The following SNX6 variants were observed in gnomAD, a reference collection of about 807,000 sequenced individuals.
SNX6 encodes the protein sorting nexin-6.
In SNX6, 34 loss-of-function variants were observed where a neutral mutation model predicts 63.0. The ratio of observed to expected loss-of-function variants is 0.54; its 90% CI spans 0.41 to 0.72. The LOEUF (loss-of-function observed/expected upper bound fraction) is 0.72, where lower values mean the gene tolerates loss of function less well. Ranked by LOEUF, SNX6 falls within the 30% of genes least tolerant of loss-of-function variation. The probability of loss-of-function intolerance (pLI) is 0.00; values close to 1 mark genes in which losing one functional copy is unlikely to be tolerated. For synonymous variants in SNX6, 170 were observed against 164.2 expected (o/e 1.04, Z -0.27); for missense variants, 398 against 471.4 (o/e 0.84, Z 1.44).
At chr14:34,589,404 A>C (rs2138312879) in intron 8 of SNX6, among the ~76,000 whole-genome samples, 1 of 152,296 alleles carries the variant, frequency 6.6e-6, no homozygotes, top group East Asian at 1.9e-4. Context: ...GTGAGCTGAG[A>C]TCACGCCACT....
chr14:34,592,702 C>G (rs1228952304), intron 8 of SNX6, among the ~76,000 whole-genome samples: 1 of 151,774 alleles, frequency 6.6e-6, no homozygotes, highest in Non-Finnish European at 1.5e-5. Flanking sequence ...TAGCTGGGAC[C>G]ACAGCCATGC....
intron 8 of SNX6, among the ~76,000 whole-genome samples, chr14:34,586,715 A>G (rs894153058): frequency 2.7e-5 from 4 of 148,718 alleles, no homozygotes; most frequent in Non-Finnish European, 6.0e-5. Context: ...CTCAAACAAA[A>G]AAACAAATTG....
intron 2 of SNX6, among the ~76,000 whole-genome samples, chr14:34,622,680 G>A (rs1158124417): frequency 6.6e-6 from 1 of 151,728 alleles, no homozygotes; most frequent in Non-Finnish European, 1.5e-5. Flanking sequence ...CTCTGCTCCA[G>A]TAAGAACAAG....
At chr14:34,574,696 CA>C (rs1436904849) in intron 11 of SNX6, among the ~76,000 whole-genome samples, 1 of 148,206 alleles carries the variant, frequency 6.7e-6, no homozygotes, top group East Asian at 2.0e-4. Context: ...TTTTCCAAGA[CA>C]TTTTACCTGA....
At chr14:34,616,830 T>C (rs772646788) in intron 2 of SNX6, among the ~76,000 whole-genome samples, 13 of 152,070 alleles carry the variant, frequency 8.5e-5, no homozygotes, top group Admixed American at 3.3e-4. Flanking sequence ...CCCAGCACTT[T>C]GGGAGGCCGA....
chr14:34,607,024 C>T (rs1331160592), intron 4 of SNX6, among the ~76,000 whole-genome samples: 3 of 151,772 alleles, frequency 2.0e-5, no homozygotes, highest in Admixed American at 6.6e-5. Context: ...ATGATCCACC[C>T]GCCTCGGCCT....
intron 11 of SNX6, chr14:34,568,913 C>T: frequency 7.8e-7 from 1 of 1,277,956 alleles, no homozygotes; most frequent in Non-Finnish European, 1.1e-6. Context: ...ATGGAGCCAA[C>T]CCCAGCGCCA....
intron 8 of SNX6, 68 bp downstream of exon 8, chr14:34,592,977 A>C: frequency 8.6e-7 from 1 of 1,164,268 alleles, no homozygotes; most frequent in Non-Finnish European, 1.2e-6. Flanking sequence ...AGACTTTTTC[A>C]AACTATAATA....
intron 6 of SNX6, among the ~76,000 whole-genome samples, chr14:34,600,900 G>A (rs1882784700): frequency 6.6e-6 from 1 of 151,934 alleles, no homozygotes; most frequent in Non-Finnish European, 1.5e-5. Context: ...AGCCAGGTAT[G>A]GTGGCTACTC....
intron 11 of SNX6, chr14:34,569,001 G>C (rs116127931): frequency 1.4e-6 from 2 of 1,466,676 alleles, no homozygotes; most frequent in Non-Finnish European, 1.9e-6. Context: ...CAAGCTCTTT[G>C]TGCTTGGCCA....
intron 10 of SNX6, among the ~76,000 whole-genome samples, chr14:34,580,045 C>G (rs191896691): frequency 2.6e-5 from 4 of 151,970 alleles, no homozygotes; most frequent in Non-Finnish European, 4.4e-5. Context: ...ATTAGCCTGG[C>G]GTGGTGGCAC....
At chr14:34,569,351 C>A (rs1038114069) in intron 11 of SNX6, among the ~76,000 whole-genome samples, 14 of 152,188 alleles carry the variant, frequency 9.2e-5, no homozygotes, top group African/African-American at 3.4e-4. Context: ...TTGCCATTTC[C>A]CCATGTGTGC....
At chr14:34,584,272 T>C (rs2138299460) in intron 9 of SNX6, among the ~76,000 whole-genome samples, 1 of 152,294 alleles carries the variant, frequency 6.6e-6, no homozygotes, top group South Asian at 2.1e-4. Context: ...GCATAGACTA[T>C]GAAAATAGTT....
chr14:34,577,167 C>T (rs965181538), intron 10 of SNX6, among the ~76,000 whole-genome samples: 2 of 152,120 alleles, frequency 1.3e-5, no homozygotes, highest in Non-Finnish European at 2.9e-5. Context: ...CCTACAACCT[C>T]GGCCTCCTGG....
At chr14:34,567,289 T>C (rs1306568158) in intron 13 of SNX6, among the ~76,000 whole-genome samples, 2 of 151,032 alleles carry the variant, frequency 1.3e-5, no homozygotes, top group African/African-American at 2.4e-5. Flanking sequence ...GATTTCGAGA[T>C]AAGCCTGACC....
At chr14:34,583,259 A>G (rs2138297118) in intron 9 of SNX6, among the ~76,000 whole-genome samples, 1 of 152,286 alleles carries the variant, frequency 6.6e-6, no homozygotes, top group South Asian at 2.1e-4. Flanking sequence ...CAGTGAGCCA[A>G]GACTGAGCCA....
intron 2 of SNX6, among the ~76,000 whole-genome samples, chr14:34,614,000 CG>C (rs1883329206): frequency 6.6e-6 from 1 of 151,378 alleles, no homozygotes; most frequent in Non-Finnish European, 1.5e-5. Flanking sequence ...CCCAGCTACT[CG>C]GGAGGCTGAG....
chr14:34,625,884 T>C, intron 2 of SNX6, among the ~76,000 whole-genome samples: 1 of 152,074 alleles, frequency 6.6e-6, no homozygotes. Context: ...AAACTTTCAT[T>C]TTGATTTTCA....
intron 8 of SNX6, among the ~76,000 whole-genome samples, chr14:34,587,532 C>CAAAAAAAAAAA (rs34380966): frequency 1.7e-5 from 1 of 57,806 alleles, no homozygotes; most frequent in Non-Finnish European, 2.9e-5. Context: ...GACTCCATCT[C>CAAAAAAAAAAA]AAAAAAAAAA....
Sources: allele counts gnomAD v4.1 joint callset (sites outside exome capture counted in the v4.1 genomes callset), GRCh38; gene constraint gnomAD v4.1.1; transcripts MANE v1.5; gene names NCBI Gene and HGNC (gene_info 2026-07-23, HGNC 2026-07-21).